Variants in SLC4A10 observed in about 807,000 individuals in gnomAD.
The protein encoded by SLC4A10 is solute carrier family 4 member 10, also known as sodium-driven chloride bicarbonate exchanger.
A neutral mutation model predicts 137.7 loss-of-function variants in SLC4A10; 42 were observed. That is an observed-to-expected ratio of 0.30 (90% CI 0.24 to 0.39). The LOEUF (loss-of-function observed/expected upper bound fraction) is 0.39, where lower values mean the gene tolerates loss of function less well. Among genes scored for constraint, SLC4A10 ranks in the 10% least tolerant of loss-of-function variants. SLC4A10 has a pLI of 1.00. For synonymous variants in SLC4A10, 474 were observed against 464.1 expected, an observed-to-expected ratio of 1.02 and a Z score of -0.27; for missense variants, 925 against 1,355.0, an observed-to-expected ratio of 0.68 and a Z score of 4.98.
chr2:161,950,370 CA>C (rs1160842319), intron 18 of SLC4A10, among the ~76,000 whole-genome samples: 3 of 151,964 alleles, frequency 2.0e-5, no homozygotes, highest in African/African-American at 7.3e-5. Context: ...GATTTTTCAA[CA>C]AGTCTGTCAG....
At chr2:161,969,726 A>G (rs1698184670) in intron 23 of SLC4A10, among the ~76,000 whole-genome samples, 1 of 152,178 alleles carries the variant, frequency 6.6e-6, no homozygotes, top group Admixed American at 6.5e-5. Flanking sequence ...AAAGAGGGCA[A>G]ATGGGACCCT....
At chr2:161,734,197 CA>C (rs1245158317) in intron 1 of SLC4A10, among the ~76,000 whole-genome samples, 4 of 152,054 alleles carry the variant, frequency 2.6e-5, no homozygotes, top group Admixed American at 2.0e-4. Flanking sequence ...TTGGAGGGGC[CA>C]GGGGTGGAAT....
intron 1 of SLC4A10, among the ~76,000 whole-genome samples, chr2:161,645,799 G>A (rs938183740): frequency 6.6e-6 from 1 of 151,946 alleles, no homozygotes; most frequent in African/African-American, 2.4e-5. Flanking sequence ...AAAATAATGA[G>A]CAATGAACAT....
chr2:161,971,233 A>G (rs950028603), intron 23 of SLC4A10, among the ~76,000 whole-genome samples: 1 of 152,178 alleles, frequency 6.6e-6, no homozygotes, highest in Non-Finnish European at 1.5e-5. Context: ...AGTGTTCTGG[A>G]GTAGATTTGT....
chr2:161,943,012 T>G lies in SLC4A10; in HGVS notation c.2103+115T>G, dbSNP rs1022721274. 3 of 691,678 alleles carry G rather than the reference T, an allele frequency of 4.3e-6. No individual in the cohort carries two copies. In the African/African-American group the frequency reaches 5.4e-5, roughly 12 times the overall value. 42.8% of individuals were successfully genotyped at this position (691,678 alleles called of 1,614,324 possible). On this transcript the variant is annotated intron_variant, in intron 16 of 26. Coordinates refer to ENST00000446997, the MANE Select transcript of SLC4A10 (RefSeq NM_001178015.2). ...ATGCATAATATAAAACTAATAGTTG[T>G]GTTTTAATTTTAATTTCATCATTTC...
intron 21 of SLC4A10, among the ~76,000 whole-genome samples, chr2:161,963,807 A>C (rs1266725745): frequency 6.6e-6 from 1 of 152,196 alleles, no homozygotes; most frequent in African/African-American, 2.4e-5. Context: ...GTGTTGTGAC[A>C]ATGAAAAAGA....
intron 15 of SLC4A10, among the ~76,000 whole-genome samples, chr2:161,925,493 A>G (rs1489247008): frequency 2.0e-5 from 3 of 152,042 alleles, no homozygotes; most frequent in East Asian, 1.9e-4. Flanking sequence ...TGATCCTTTC[A>G]AAAAACCAGC....
At chr2:161,960,110 A>G (rs970705861) in intron 21 of SLC4A10, among the ~76,000 whole-genome samples, 3 of 152,046 alleles carry the variant, frequency 2.0e-5, no homozygotes, top group African/African-American at 7.2e-5. Context: ...TCATGCCTGT[A>G]ATCCCAGCAC....
intron 11 of SLC4A10, among the ~76,000 whole-genome samples, chr2:161,897,261 T>C (rs768253502): frequency 5.3e-5 from 8 of 152,134 alleles, no homozygotes; most frequent in Non-Finnish European, 1.2e-4. Flanking sequence ...TTAAGAGTGA[T>C]GACCAAATAT....
At chr2:161,853,074 A>G (rs1182669410) in intron 4 of SLC4A10, among the ~76,000 whole-genome samples, 7 of 152,220 alleles carry the variant, frequency 4.6e-5, no homozygotes, top group African/African-American at 7.2e-5. Flanking sequence ...CATATCTGAC[A>G]AGAAATAGTA....
chr2:161,952,743 T>C (rs1695014905), intron 19 of SLC4A10, among the ~76,000 whole-genome samples: 1 of 152,216 alleles, frequency 6.6e-6, no homozygotes, highest in African/African-American at 2.4e-5. Context: ...AGTGAAGATG[T>C]ATTTCATCTA....
chr2:161,840,059 A>C (rs2059085011), intron 4 of SLC4A10, 132 bp downstream of exon 4: 8 of 1,072,718 alleles, frequency 7.5e-6, no homozygotes, highest in Non-Finnish European at 1.1e-5. Context: ...ATCTAGCCTG[A>C]GCATATCCTA....
intron 1 of SLC4A10, among the ~76,000 whole-genome samples, chr2:161,681,489 T>C (rs2040844996): frequency 1.3e-5 from 2 of 152,116 alleles, no homozygotes; most frequent in African/African-American, 4.8e-5. Context: ...TAATATACAT[T>C]TTCTAATCCT....
At chr2:161,960,101 C>T (rs1227708335) in intron 21 of SLC4A10, among the ~76,000 whole-genome samples, 1 of 151,922 alleles carries the variant, frequency 6.6e-6, no homozygotes, top group Non-Finnish European at 1.5e-5. Flanking sequence ...TGGTGTGGCT[C>T]ATGCCTGTAA....
At chr2:161,923,631 A>G (rs1252929075) in intron 15 of SLC4A10, among the ~76,000 whole-genome samples, 1 of 152,000 alleles carries the variant, frequency 6.6e-6, no homozygotes, top group East Asian at 1.9e-4. Flanking sequence ...CAATGAGAAC[A>G]CATGGACACA....
intron 23 of SLC4A10, among the ~76,000 whole-genome samples, chr2:161,973,999 T>C (rs1244313795): frequency 6.6e-6 from 1 of 152,244 alleles, no homozygotes; most frequent in Non-Finnish European, 1.5e-5. Flanking sequence ...TAACATGTTT[T>C]TTATTGAGTG....
At chr2:161,649,253 C>T (rs535378846) in intron 1 of SLC4A10, among the ~76,000 whole-genome samples, 50 of 152,238 alleles carry the variant, frequency 3.3e-4, no homozygotes, top group African/African-American at 9.9e-4. Context: ...CCCAGCTACT[C>T]GGAAAGCTGA....
chr2:161,901,289 C>T (rs899968093), intron 12 of SLC4A10: 3 of 323,510 alleles, frequency 9.3e-6, no homozygotes, highest in East Asian at 7.1e-5. Flanking sequence ...AAAGGAAAAC[C>T]GTCAATTGAC....
At chr2:161,871,855 C>T (rs1255731702) in intron 6 of SLC4A10, among the ~76,000 whole-genome samples, 2 of 152,006 alleles carry the variant, frequency 1.3e-5, no homozygotes, top group South Asian at 2.1e-4. Context: ...TAAAAATATA[C>T]TGTGTAATTT....
Sources: gnomAD v4.1 joint callset for allele counts (sites outside exome capture counted in the v4.1 genomes callset) on GRCh38, gnomAD v4.1.1 for gene constraint, MANE v1.5 for transcripts, NCBI Gene and HGNC (gene_info 2026-07-23, HGNC 2026-07-21) for gene names.